The following COX6C variants were observed in gnomAD, a reference collection of about 807,000 sequenced individuals.
COX6C encodes the protein cytochrome c oxidase subunit 6C.
In COX6C, 3 loss-of-function variants were observed where a neutral mutation model predicts 6.9. The ratio of observed to expected loss-of-function variants is 0.43; its 90% CI spans 0.20 to 1.12. The LOEUF is 1.12. Among genes scored for constraint, COX6C ranks in the 50% most tolerant of loss-of-function variants. The pLI, the probability that COX6C is intolerant of heterozygous loss-of-function variation, is 0.27. For missense variants in COX6C, 101 were observed against 97.3 expected (o/e 1.04, Z -0.16); for synonymous variants, 32 against 32.0 (o/e 1.00, Z 0.00).
In COX6C at chr8:99,891,052, G is replaced by A. The variant is rs76682491; in HGVS notation, c.114+856C>T. Among the ~76,000 whole-genome samples the A allele has an allele frequency of 3.2e-3, 482 of 152,342 alleles. 7 individuals are homozygous for A. The highest frequency in any genetic ancestry group is 0.011 in the African/African-American group (460 of 41,594). On this transcript the variant is annotated intron_variant, in intron 2 of 3. Transcript: ENST00000520468. ...CTCCTGAACCAATTCCCCATGGATA[G>A]AGGGGCAGCTATGCTGCCTTCCCAG...
At chr8:99,884,842 T>C (rs1817922078) in intron 3 of COX6C, among the ~76,000 whole-genome samples, 1 of 152,124 alleles carries the variant, frequency 6.6e-6, no homozygotes, top group South Asian at 2.1e-4. Flanking sequence ...CTAAAAGAAA[T>C]TAAAGATACA....
chr8:99,883,399 G>A (rs2131003923), intron 3 of COX6C, among the ~76,000 whole-genome samples: 1 of 151,616 alleles, frequency 6.6e-6, no homozygotes, highest in Non-Finnish European at 1.5e-5. Context: ...ATATCTGTGT[G>A]TGTGTATATA....
chr8:99,892,434 T>C lies in COX6C; in HGVS notation c.-31-382A>G, dbSNP rs139719966. ...CAGGAATAAGATTTGGGTTGAGACA[T>C]GGGTGAGGGGCGGCACTGAAGTCCA... On this transcript the variant is annotated intron_variant, in intron 1 of 3. Coordinates refer to ENST00000520468, the MANE Select transcript of COX6C (RefSeq NM_004374.4). Among the ~76,000 whole-genome samples the C allele has an allele frequency of 8.6e-3, 1,316 of 152,280 alleles. 18 individuals carry two copies. Among genetic ancestry groups the C allele is most frequent in the African/African-American group, 0.03 (1,247 of 41,536 alleles).
chr8:99,887,132 A>C (rs1817954041), intron 3 of COX6C: 1 of 156,102 alleles, frequency 6.4e-6, no homozygotes, highest in African/African-American at 2.4e-5. Context: ...CAGAACACTT[A>C]TGTTAGCCTA....
chr8:99,888,672 T>A (rs1343119858), intron 2 of COX6C, among the ~76,000 whole-genome samples: 1 of 152,200 alleles, frequency 6.6e-6, no homozygotes, highest in Non-Finnish European at 1.5e-5. Context: ...TAGTCATCCA[T>A]CTGACAGAGA....
At chr8:99,883,956 A>AC (rs1180729552) in intron 3 of COX6C, among the ~76,000 whole-genome samples, 1 of 152,236 alleles carries the variant, frequency 6.6e-6, no homozygotes, top group African/African-American at 2.4e-5. Context: ...ACAAAATTCA[A>AC]CATCCTTTCA....
chr8:99,888,366 T>C (rs147845382), intron 2 of COX6C, among the ~76,000 whole-genome samples: 4,302 of 152,006 alleles, frequency 0.028, 221 homozygotes, highest in African/African-American at 0.097. Context: ...AGGTCAGGAA[T>C]TGGAGACCAG....
chr8:99,893,301 T>C (rs546885205), intron 1 of COX6C: 80 of 152,400 alleles, frequency 5.2e-4, no homozygotes, highest in African/African-American at 1.8e-3. Context: ...CGGGGCCAGA[T>C]AGGTCAAATG....
chr8:99,883,453 G>GTGTGTATATA (rs34497336), intron 3 of COX6C, among the ~76,000 whole-genome samples: 12 of 135,190 alleles, frequency 8.9e-5, no homozygotes, highest in South Asian at 4.5e-4. Flanking sequence ...GTGTGTGTGT[G>GTGTGTATATA]TATATATATA....
At chr8:99,879,480 T>C (rs901771448) in intron 3 of COX6C, among the ~76,000 whole-genome samples, 15 of 152,160 alleles carry the variant, frequency 9.9e-5, no homozygotes, top group Non-Finnish European at 1.9e-4. Flanking sequence ...GTCAGCAAGA[T>C]AGACTGTGAA....
chr8:99,885,282 C>A (rs1283335390), intron 3 of COX6C, among the ~76,000 whole-genome samples: 1 of 152,092 alleles, frequency 6.6e-6, no homozygotes, highest in African/African-American at 2.4e-5. Context: ...TATTGTTGCT[C>A]ATCTCTTACT....
At chr8:99,885,057 G>A (rs916651927) in intron 3 of COX6C, among the ~76,000 whole-genome samples, 21 of 152,184 alleles carry the variant, frequency 1.4e-4, no homozygotes, top group African/African-American at 5.1e-4. Flanking sequence ...TGGGGTGAAA[G>A]AAAGAACAAA....
In COX6C at chr8:99,892,052, C is replaced by T. The variant is rs763873873; in HGVS notation, c.-31G>A. 4 of 1,493,162 alleles carry T rather than the reference C, an allele frequency of 2.7e-6. No individual in the cohort carries two copies. Among genetic ancestry groups the T allele is most frequent in the Non-Finnish European group, 3.7e-6 (4 of 1,090,522 alleles). The allele number at this position is 1,493,162 out of a possible 1,614,324, so 92.5% of individuals were successfully genotyped here. On this transcript the variant is annotated splice_region_variant and 5_prime_UTR_variant, in exon 2 of 4. Coordinates refer to ENST00000520468, the MANE Select transcript of COX6C (RefSeq NM_004374.4). Reference sequence around the variant, plus strand: ...TTACTGTCCTTGATACGTATGCTAACCTTAAGAGATTCAGAAAATATGATT... The same window carrying T: ...TTACTGTCCTTGATACGTATGCTAATCTTAAGAGATTCAGAAAATATGATT...
chr8:99,890,695 T>C (rs902082904), intron 2 of COX6C, among the ~76,000 whole-genome samples: 1 of 152,216 alleles, frequency 6.6e-6, no homozygotes, highest in African/African-American at 2.4e-5. Flanking sequence ...CTCTGAATTC[T>C]TTCATGGGGT....
At chr8:99,881,399 A>G (rs1043745166) in intron 3 of COX6C, among the ~76,000 whole-genome samples, 1 of 152,122 alleles carries the variant, frequency 6.6e-6, no homozygotes, top group Non-Finnish European at 1.5e-5. Context: ...ATTCATTTTT[A>G]ATTCTTTTAT....
intron 3 of COX6C, among the ~76,000 whole-genome samples, chr8:99,885,044 G>A (rs188000864): frequency 3.6e-4 from 55 of 152,250 alleles, no homozygotes; most frequent in African/African-American, 1.3e-3. Flanking sequence ...AGCACCCTCC[G>A]GGTGGGGTGA....
chr8:99,892,600 C>A (rs1461757749), intron 1 of COX6C, among the ~76,000 whole-genome samples: 1 of 152,096 alleles, frequency 6.6e-6, no homozygotes, highest in Non-Finnish European at 1.5e-5. Flanking sequence ...ATTTTACTAC[C>A]TAGAGAGGCA....
At chr8:99,880,712 A>G (rs1031594752) in intron 3 of COX6C, among the ~76,000 whole-genome samples, 2 of 152,004 alleles carry the variant, frequency 1.3e-5, no homozygotes, top group African/African-American at 2.4e-5. Flanking sequence ...ATAAAATTAA[A>G]TTAAATTTTA....
At chr8:99,885,326 T>G (rs981484207) in intron 3 of COX6C, among the ~76,000 whole-genome samples, 3 of 152,234 alleles carry the variant, frequency 2.0e-5, no homozygotes, top group Non-Finnish European at 1.5e-5. Flanking sequence ...TCATCATAGG[T>G]ATGTACGTAC....
Sources: gnomAD v4.1 joint callset for allele counts (sites outside exome capture counted in the v4.1 genomes callset) on GRCh38, gnomAD v4.1.1 for gene constraint, MANE v1.5 for transcripts, NCBI Gene and HGNC (gene_info 2026-07-23, HGNC 2026-07-21) for gene names.